The following CCSER1 variants were observed in gnomAD, a reference collection of about 807,000 sequenced individuals.
CCSER1 encodes the protein serine-rich coiled-coil domain-containing protein 1.
Under a neutral mutation model 82.0 loss-of-function variants are expected in CCSER1, and 41 were observed. That is an observed-to-expected ratio of 0.50 (90% CI 0.39 to 0.65). The LOEUF is 0.65. Ranked by LOEUF, CCSER1 falls within the 30% of genes least tolerant of loss-of-function variation. CCSER1 has a pLI of 0.00. For synonymous variants in CCSER1, 414 were observed against 383.9 expected (o/e 1.08, Z -0.92); for missense variants, 1,119 against 1,064.2 (o/e 1.05, Z -0.72).
intron 3 of CCSER1, among the ~76,000 whole-genome samples, chr4:90,338,937 G>A (rs949354424): frequency 6.6e-6 from 1 of 152,122 alleles, no homozygotes; most frequent in Non-Finnish European, 1.5e-5. Flanking sequence ...ATTCTTGGTA[G>A]GGAGCTTAGT....
intron 1 of CCSER1, among the ~76,000 whole-genome samples, chr4:90,229,376 T>C (rs983365717): frequency 4.6e-5 from 7 of 151,926 alleles, no homozygotes; most frequent in African/African-American, 1.5e-4. Flanking sequence ...AACTAAGCTT[T>C]ATAAGTGAGG....
At chr4:90,722,777 G>C (rs557752479) in intron 6 of CCSER1, among the ~76,000 whole-genome samples, 1 of 152,008 alleles carries the variant, frequency 6.6e-6, no homozygotes, top group East Asian at 1.9e-4. Flanking sequence ...TTCTGGACTA[G>C]GGAGTCATAA....
intron 10 of CCSER1, among the ~76,000 whole-genome samples, chr4:91,503,356 GA>G (rs1482483935): frequency 2.0e-5 from 3 of 149,040 alleles, no homozygotes; most frequent in East Asian, 2.0e-4. Flanking sequence ...AAAAAAAAAA[GA>G]AAAAAAGAAA....
At chr4:90,939,179 A>G (rs1050965883) in intron 9 of CCSER1, among the ~76,000 whole-genome samples, 2 of 152,154 alleles carry the variant, frequency 1.3e-5, no homozygotes, top group African/African-American at 4.8e-5. Flanking sequence ...TTCCTACTGA[A>G]GAACAAAATT....
intron 1 of CCSER1, among the ~76,000 whole-genome samples, chr4:90,242,275 C>T (rs1420338140): frequency 2.0e-5 from 3 of 152,176 alleles, no homozygotes; most frequent in Non-Finnish European, 4.4e-5. Context: ...CCAGTGCACT[C>T]TAGCCTGGGC....
chr4:90,394,243 AT>A (rs1751645102), intron 3 of CCSER1, among the ~76,000 whole-genome samples: 1 of 151,870 alleles, frequency 6.6e-6, no homozygotes, highest in African/African-American at 2.4e-5. Context: ...AGGCATTGCT[AT>A]TTTTTTACTA....
chr4:91,499,553 G>A (rs986155229), intron 10 of CCSER1, among the ~76,000 whole-genome samples: 2 of 151,738 alleles, frequency 1.3e-5, no homozygotes, highest in Admixed American at 6.6e-5. Context: ...TTAGACAAAC[G>A]TATGACAATT....
chr4:90,839,074 C>A, intron 8 of CCSER1: 1 of 1,581,956 alleles, frequency 6.3e-7, no homozygotes, highest in Non-Finnish European at 8.7e-7. Flanking sequence ...CGCGCGAGTA[C>A]GAGCGAAGTC....
chr4:90,780,359 A>G (rs1238523762), intron 7 of CCSER1: 24 of 1,374,354 alleles, frequency 1.7e-5, no homozygotes, highest in Non-Finnish European at 2.3e-5. Context: ...TTTAAGTTTC[A>G]TTGATGATCC....
intron 10 of CCSER1, among the ~76,000 whole-genome samples, chr4:91,252,040 A>C (rs1409693811): frequency 6.6e-6 from 1 of 152,198 alleles, no homozygotes; most frequent in Non-Finnish European, 1.5e-5. Flanking sequence ...CATTATAATC[A>C]AACTTTTCGA....
chr4:91,266,132 A>G lies in CCSER1; in HGVS notation c.2217+180138A>G, dbSNP rs142801768. Among the ~76,000 whole-genome samples, 4 of 152,312 alleles carry G rather than the reference A, an allele frequency of 2.6e-5. No homozygotes were observed. The East Asian group carries it at 7.7e-4, about 29-fold the overall frequency. On this transcript the variant is annotated intron_variant, in intron 10 of 10. Transcript: ENST00000509176. ...ACAACACGTGGAAATTATGGAAACT[A>G]CAATGCAAGATGAGATTTGGGTGGG...
intron 9 of CCSER1, among the ~76,000 whole-genome samples, chr4:91,045,347 G>A (rs1022179240): frequency 2.0e-5 from 3 of 152,040 alleles, no homozygotes; most frequent in African/African-American, 7.2e-5. Flanking sequence ...AAATTCCTTT[G>A]TGTTTTATGT....
chr4:90,490,416 A>G (rs1440204818), intron 5 of CCSER1, among the ~76,000 whole-genome samples: 1 of 151,916 alleles, frequency 6.6e-6, no homozygotes, highest in Non-Finnish European at 1.5e-5. Context: ...TAGATTCTGG[A>G]TATTAGCCCT....
At chr4:91,133,238 ACTTT>A (rs1169456814) in intron 10 of CCSER1, among the ~76,000 whole-genome samples, 1 of 148,818 alleles carries the variant, frequency 6.7e-6, no homozygotes, top group East Asian at 2.0e-4. Flanking sequence ...CCTTTCCTTT[ACTTT>A]CTTTTGCTTT....
intron 7 of CCSER1, among the ~76,000 whole-genome samples, chr4:90,733,163 TC>T (rs1165131986): frequency 6.6e-6 from 1 of 152,336 alleles, no homozygotes; most frequent in East Asian, 1.9e-4. Flanking sequence ...GTATGAAGGT[TC>T]CCTTCTCTTC....
intron 8 of CCSER1, among the ~76,000 whole-genome samples, chr4:90,830,503 C>G (rs932585918): frequency 2.6e-5 from 4 of 152,108 alleles, no homozygotes; most frequent in African/African-American, 9.7e-5. Context: ...AGGAACAAAG[C>G]AAATAGAGAC....
chr4:91,483,595 C>G (rs1049609715), intron 10 of CCSER1, among the ~76,000 whole-genome samples: 4 of 151,982 alleles, frequency 2.6e-5, no homozygotes, highest in African/African-American at 9.7e-5. Context: ...GCCACCATTC[C>G]CAGCTAATTT....
intron 7 of CCSER1, among the ~76,000 whole-genome samples, chr4:90,730,288 T>TG (rs1164586866): frequency 1.3e-5 from 2 of 152,210 alleles, no homozygotes; most frequent in African/African-American, 4.8e-5. Flanking sequence ...GAGTTTTTAT[T>TG]GTTCCTTTTC....
At chr4:90,154,780 C>T (rs1158538483) in intron 1 of CCSER1, among the ~76,000 whole-genome samples, 4 of 149,058 alleles carry the variant, frequency 2.7e-5, no homozygotes, top group Non-Finnish European at 6.0e-5. Context: ...AGATTTTGGG[C>T]TGAGACAATG....
Sources: gnomAD v4.1 joint callset for allele counts (sites outside exome capture counted in the v4.1 genomes callset) on GRCh38, gnomAD v4.1.1 for gene constraint, MANE v1.5 for transcripts, NCBI Gene and HGNC (gene_info 2026-07-23, HGNC 2026-07-21) for gene names.